Variants in FRMD4B observed in about 807,000 individuals in gnomAD.
The protein encoded by FRMD4B is FERM domain-containing protein 4B.
FRMD4B carries 74 observed loss-of-function variants against 141.5 expected under a neutral mutation model. That is an observed-to-expected ratio of 0.52 (90% CI 0.43 to 0.63). FRMD4B has a LOEUF of 0.63. Ranked by LOEUF, FRMD4B falls within the 30% of genes least tolerant of loss-of-function variation. The pLI, the probability that FRMD4B is intolerant of heterozygous loss-of-function variation, is 0.00. For synonymous variants in FRMD4B, 506 were observed against 467.9 expected, an observed-to-expected ratio of 1.08 and a Z score of -1.05; for missense variants, 1,366 against 1,253.4, an observed-to-expected ratio of 1.09 and a Z score of -1.36.
intron 5 of FRMD4B, among the ~76,000 whole-genome samples, chr3:69,272,403 G>A (rs978587947): frequency 3.7e-4 from 57 of 152,244 alleles, no homozygotes; most frequent in African/African-American, 1.3e-3. Flanking sequence ...CAGGTGATCC[G>A]CCTGCCTCGG....
intron 1 of FRMD4B, among the ~76,000 whole-genome samples, chr3:69,452,004 A>C (rs1229230267): frequency 6.6e-6 from 1 of 152,242 alleles, no homozygotes; most frequent in East Asian, 1.9e-4. Context: ...GCTCTAAATA[A>C]ATAAAATACA....
chr3:69,259,170 C>T lies in FRMD4B; in HGVS notation c.502-9071G>A, dbSNP rs550124891. On this transcript the variant is annotated intron_variant, in intron 5 of 22. Coordinates refer to ENST00000398540, the MANE Select transcript of FRMD4B (RefSeq NM_015123.3). The stretch of plus-strand genomic sequence containing the variant: ...TGGGAGACAGCGACGGATCATCTGG[C>T]ACTAGATTCTCAAAAGGAGTAGGCA... Among the ~76,000 whole-genome samples the T allele has an allele frequency of 2.0e-4, 30 of 152,290 alleles. No individual in the cohort carries two copies. In the East Asian group the frequency reaches 5.2e-3, roughly 26 times the overall value.
intron 1 of FRMD4B, among the ~76,000 whole-genome samples, chr3:69,541,796 C>CCA (rs1392534890): frequency 4.6e-5 from 7 of 151,418 alleles, no homozygotes; most frequent in Admixed American, 6.6e-5. Context: ...ATTTCCCCCC[C>CCA]CTCTTTTCGC....
chr3:69,220,512 C>G (rs550958001), intron 9 of FRMD4B, among the ~76,000 whole-genome samples: 1 of 152,270 alleles, frequency 6.6e-6, no homozygotes, highest in South Asian at 2.1e-4. Flanking sequence ...AAGATGCTAA[C>G]TTCTGATTTC....
intron 5 of FRMD4B, among the ~76,000 whole-genome samples, chr3:69,268,916 T>C (rs2093581357): frequency 6.6e-6 from 1 of 151,672 alleles, no homozygotes; most frequent in South Asian, 2.1e-4. Context: ...CAAGTACTTC[T>C]TATAGATGAG....
chr3:69,445,359 A>G (rs1216024532), intron 1 of FRMD4B, among the ~76,000 whole-genome samples: 1 of 152,222 alleles, frequency 6.6e-6, no homozygotes, highest in East Asian at 1.9e-4. Flanking sequence ...CTGCTCTAAC[A>G]GCAGACAAAG....
chr3:69,179,840 G>C (rs1296448413), intron 21 of FRMD4B, among the ~76,000 whole-genome samples: 1 of 152,156 alleles, frequency 6.6e-6, no homozygotes, highest in Non-Finnish European at 1.5e-5. Context: ...CCAGGAACTA[G>C]TTCAACAATG....
intron 1 of FRMD4B, among the ~76,000 whole-genome samples, chr3:69,473,891 A>C (rs1340547997): frequency 6.6e-6 from 1 of 152,154 alleles, no homozygotes; most frequent in Non-Finnish European, 1.5e-5. Flanking sequence ...CACTTCTAAC[A>C]AATGTTATTG....
At chr3:69,253,164 TA>T (rs2093473483) in intron 5 of FRMD4B, among the ~76,000 whole-genome samples, 1 of 150,118 alleles carries the variant, frequency 6.7e-6, no homozygotes. Context: ...CAAGGGAAAT[TA>T]GTGAAAATAT....
chr3:69,419,436 A>G (rs1356505786), intron 2 of FRMD4B, among the ~76,000 whole-genome samples: 1 of 152,152 alleles, frequency 6.6e-6, no homozygotes, highest in Non-Finnish European at 1.5e-5. Flanking sequence ...CCAGGCTTAT[A>G]TTCGGCTCAT....
chr3:69,344,629 C>T (rs1702866877), intron 1 of FRMD4B, among the ~76,000 whole-genome samples: 1 of 152,190 alleles, frequency 6.6e-6, no homozygotes, highest in South Asian at 2.1e-4. Flanking sequence ...CTCTCTCTCT[C>T]TTGTCTACTG....
intron 19 of FRMD4B, among the ~76,000 whole-genome samples, chr3:69,187,194 T>C (rs575839047): frequency 1.3e-5 from 2 of 152,186 alleles, no homozygotes; most frequent in African/African-American, 2.4e-5. Context: ...TAAGTTAATA[T>C]AGATCAAATA....
At chr3:69,347,685 A>G (rs552228560) in intron 1 of FRMD4B, among the ~76,000 whole-genome samples, 7 of 152,326 alleles carry the variant, frequency 4.6e-5, no homozygotes, top group Admixed American at 3.3e-4. Flanking sequence ...AACTCACTCA[A>G]AACCGCTCAA....
At chr3:69,391,901 T>A (rs1575784950) in intron 2 of FRMD4B, among the ~76,000 whole-genome samples, 1 of 152,146 alleles carries the variant, frequency 6.6e-6, no homozygotes, top group East Asian at 1.9e-4. Flanking sequence ...AGAAAGCACC[T>A]CCATACATTT....
chr3:69,268,891 G>A (rs1252373837), intron 5 of FRMD4B, among the ~76,000 whole-genome samples: 1 of 150,598 alleles, frequency 6.6e-6, no homozygotes, highest in Non-Finnish European at 1.5e-5. Flanking sequence ...TTGTATAATT[G>A]TGGTTATATA....
At chr3:69,363,248 G>GGTTTTTTT (rs557763992) in intron 1 of FRMD4B, among the ~76,000 whole-genome samples, 2 of 132,754 alleles carry the variant, frequency 1.5e-5, no homozygotes, top group Non-Finnish European at 3.1e-5. Flanking sequence ...TTTTTACCAT[G>GGTTTTTTT]TTTTTTTTTT....
intron 2 of FRMD4B, among the ~76,000 whole-genome samples, chr3:69,421,861 C>T (rs1258046536): frequency 6.6e-6 from 1 of 152,122 alleles, no homozygotes; most frequent in Non-Finnish European, 1.5e-5. Context: ...AAAATAAAGA[C>T]AAAATGAAAC....
chr3:69,376,405 CA>C (rs1227519996), intron 1 of FRMD4B, among the ~76,000 whole-genome samples: 1 of 151,220 alleles, frequency 6.6e-6, no homozygotes, highest in Non-Finnish European at 1.5e-5. Context: ...AAGTGCCAAG[CA>C]TAAGGCCTAG....
chr3:69,417,620 C>CTAA (rs1704891851), intron 2 of FRMD4B, among the ~76,000 whole-genome samples: 4 of 152,196 alleles, frequency 2.6e-5, no homozygotes, highest in Admixed American at 2.0e-4. Context: ...AGTCTTTGCC[C>CTAA]ATGATTGTGT....
Sources: gnomAD v4.1 joint callset for allele counts (sites outside exome capture counted in the v4.1 genomes callset) on GRCh38, gnomAD v4.1.1 for gene constraint, MANE v1.5 for transcripts, NCBI Gene and HGNC (gene_info 2026-07-23, HGNC 2026-07-21) for gene names.